OTUD7A: variants seen among roughly 807,000 people sequenced by gnomAD.
The protein encoded by OTUD7A is OTU domain-containing protein 7A.
A neutral mutation model predicts 65.7 loss-of-function variants in OTUD7A; 12 were observed. The observed-to-expected ratio is 0.18, with a 90% CI of 0.12 to 0.30. The LOEUF (loss-of-function observed/expected upper bound fraction) is 0.30. OTUD7A is among the 10% of genes least tolerant of loss of function. The pLI, the probability that OTUD7A is intolerant of heterozygous loss-of-function variation, is 1.00. For synonymous variants in OTUD7A, 641 were observed against 586.3 expected (o/e 1.09, Z -1.35); for missense variants, 1,148 against 1,304.8 (o/e 0.88, Z 1.85).
chr15:31,607,477 C>T (rs1329427580), intron 3 of OTUD7A, among the ~76,000 whole-genome samples: 1 of 152,088 alleles, frequency 6.6e-6, no homozygotes, highest in Non-Finnish European at 1.5e-5. Context: ...CTAAAATAAG[C>T]AAACTTCACT....
rs115644206 is a variant in OTUD7A at position 31,763,577 on chromosome 15, A to T, written c.-99-106500T>A. 6.8e-3 allele frequency among the ~76,000 whole-genome samples: 1,032 copies of T among 152,260 alleles called. 15 individuals are homozygous for T. Among genetic ancestry groups the T allele is most frequent in the African/African-American group, 0.023 (952 of 41,552 alleles). Reference sequence around the variant, plus strand: ...CAAAAGGTTGAACATTTGTGTCACCAAAGTCCCAAGAAAGGAGTAAGAGTC... The same window carrying T: ...CAAAAGGTTGAACATTTGTGTCACCTAAGTCCCAAGAAAGGAGTAAGAGTC... On this transcript the variant is annotated intron_variant, in intron 1 of 12. Transcript: ENST00000307050.
Position 31,484,859 on chromosome 15 carries a change from C to T in OTUD7A, c.1372-135G>A. 5 of 1,435,810 alleles carry T rather than the reference C, an allele frequency of 3.5e-6. No homozygotes were observed. Among genetic ancestry groups the T allele is most frequent in the Non-Finnish European group, 4.6e-6 (5 of 1,091,246 alleles). The allele number at this position is 1,435,810 out of a possible 1,614,324, so 88.9% of individuals were successfully genotyped here. A position where few individuals can be genotyped will look rare whatever the true frequency, so the allele number is the denominator to read the frequency against. On this transcript the variant is annotated intron_variant, in intron 12 of 12. Transcript: ENST00000307050. This position sits in a 1 kb window ranked among gnomAD's most constrained non-coding sequence, Gnocchi z 4.5. ...TTCACTGTCCCAGTCCCCACTGTCG[C>T]TCTGGTGACTGTGACATCCGGATGG...
intron 1 of OTUD7A, among the ~76,000 whole-genome samples, chr15:31,684,744 T>C (rs1390994785): frequency 6.7e-6 from 1 of 148,832 alleles, no homozygotes; most frequent in Admixed American, 6.8e-5. Flanking sequence ...GTCGCAGTGT[T>C]TGTATCCTGG....
intron 1 of OTUD7A, among the ~76,000 whole-genome samples, chr15:31,860,697 A>ATATATATATATATATATATATATG (rs1417556267): frequency 3.1e-5 from 4 of 129,748 alleles, no homozygotes; most frequent in African/African-American, 8.4e-5. Context: ...ATATATATAT[A>ATATATATATATATATATATATATG]TATGTATGTA....
At chr15:31,731,559 T>C (rs1419185475) in intron 1 of OTUD7A, among the ~76,000 whole-genome samples, 1 of 152,148 alleles carries the variant, frequency 6.6e-6, no homozygotes, top group African/African-American at 2.4e-5. Context: ...GAGGAAAGGA[T>C]GAACAGGTGG....
At chr15:31,778,996 T>C (rs1895465035) in intron 1 of OTUD7A, among the ~76,000 whole-genome samples, 1 of 152,226 alleles carries the variant, frequency 6.6e-6, no homozygotes, top group African/African-American at 2.4e-5. Flanking sequence ...CAGCTACATC[T>C]TGAATGAATA....
intron 1 of OTUD7A, among the ~76,000 whole-genome samples, chr15:31,676,261 C>T (rs965964106): frequency 2.0e-5 from 3 of 152,030 alleles, no homozygotes; most frequent in African/African-American, 7.2e-5. Flanking sequence ...CATCCAATAC[C>T]CATTCCCCTT....
chr15:31,777,379 G>T (rs1313650734), intron 1 of OTUD7A, among the ~76,000 whole-genome samples: 1 of 152,154 alleles, frequency 6.6e-6, no homozygotes, highest in Admixed American at 6.5e-5. Context: ...GTACTTCCTG[G>T]TTCAAGGTTA....
chr15:31,615,210 A>G (rs577293636), intron 3 of OTUD7A, among the ~76,000 whole-genome samples: 1 of 152,348 alleles, frequency 6.6e-6, no homozygotes, highest in Admixed American at 6.5e-5. Context: ...GACTGGATTT[A>G]AAAAACCTTA....
chr15:31,537,207 GT>G (rs1451084708), intron 5 of OTUD7A, among the ~76,000 whole-genome samples: 2 of 152,070 alleles, frequency 1.3e-5, no homozygotes, highest in Non-Finnish European at 2.9e-5. Context: ...TATTAACAAA[GT>G]TTAATATAAA....
At chr15:31,766,788 G>A (rs1393319356) in intron 1 of OTUD7A, 2 of 1,612,798 alleles carry the variant, frequency 1.2e-6, no homozygotes, top group African/African-American at 1.3e-5. Flanking sequence ...GATTCAACAG[G>A]AATTCCTGTT....
chr15:31,860,872 A>AT (rs5811669), intron 1 of OTUD7A, among the ~76,000 whole-genome samples: 1,164 of 87,032 alleles, frequency 0.013, 37 homozygotes, highest in African/African-American at 0.044. Context: ...TGCCCAGCTA[A>AT]TTTTTTTTTT....
intron 8 of OTUD7A, among the ~76,000 whole-genome samples, chr15:31,520,768 C>T (rs2041926335): frequency 6.6e-6 from 1 of 152,172 alleles, no homozygotes; most frequent in Non-Finnish European, 1.5e-5. Flanking sequence ...CCACTCAATC[C>T]AGCAATCCCA....
chr15:31,669,978 A>G (rs4779548), intron 1 of OTUD7A, among the ~76,000 whole-genome samples: 115,600 of 137,772 alleles, frequency 0.84, 48,509 homozygotes, highest in African/African-American at 0.96. Context: ...TCCGCAGGTG[A>G]GCACTCACAG....
In OTUD7A at chr15:31,655,200, G is replaced by T; in HGVS notation, c.47C>A (p.Ala16Glu). The T allele has an allele frequency of 2.6e-6, 4 of 1,529,492 alleles. No homozygotes were observed. Among genetic ancestry groups the T allele is most frequent in the Non-Finnish European group, 3.6e-6 (4 of 1,123,396 alleles). 94.7% of individuals were successfully genotyped at this position (1,529,492 alleles called of 1,614,324 possible). The stretch of plus-strand genomic sequence containing the variant: ...AGTCATAGGATCATGTAGAAGTGCT[G>T]CCCAACACTCAGCCGAGGTGGGGTT... ...LPNPTSAECW[A>E]ALLHDPMTLD... The change falls in exon 3 of 13, where the codon GCA (alanine) becomes GAA (glutamate). Residue 16 changes from alanine (A) to glutamate (E), a missense_variant. Coordinates refer to ENST00000307050, the MANE Select transcript of OTUD7A (RefSeq NM_001382637.1).
At chr15:31,659,345 C>G (rs1364862869) in intron 1 of OTUD7A, among the ~76,000 whole-genome samples, 1 of 152,086 alleles carries the variant, frequency 6.6e-6, no homozygotes, top group Admixed American at 6.6e-5. Context: ...TAACAGAGGG[C>G]CAGCTGCCTG....
At chr15:31,859,910 C>A (rs1897676584) in intron 1 of OTUD7A, among the ~76,000 whole-genome samples, 2 of 152,186 alleles carry the variant, frequency 1.3e-5, no homozygotes, top group Non-Finnish European at 2.9e-5. Flanking sequence ...GCAGTGGTAT[C>A]TTCCTTTCTG....
chr15:31,685,383 C>T (rs959574605), intron 1 of OTUD7A, among the ~76,000 whole-genome samples: 3 of 152,176 alleles, frequency 2.0e-5, no homozygotes, highest in Middle Eastern at 3.4e-3. Context: ...CGGTGGCTCA[C>T]GCCTGTCATC....
intron 1 of OTUD7A, among the ~76,000 whole-genome samples, chr15:31,658,865 T>A (rs1359757811): frequency 6.9e-6 from 1 of 144,152 alleles, no homozygotes; most frequent in Non-Finnish European, 1.5e-5. Flanking sequence ...CCGTCTCTAC[T>A]AATTAAAAAA....
Sources: gnomAD v4.1 joint callset for allele counts (sites outside exome capture counted in the v4.1 genomes callset) on GRCh38, gnomAD v4.1.1 for gene constraint, Gnocchi (gnomAD v3.1) non-coding constraint, MANE v1.5 for transcripts, NCBI Gene and HGNC (gene_info 2026-07-23, HGNC 2026-07-21) for gene names.